The following TEX9 variants were observed in gnomAD, a reference collection of about 807,000 sequenced individuals.
TEX9 encodes testis-expressed protein 9.
Under a neutral mutation model 59.6 loss-of-function variants are expected in TEX9, and 74 were observed. The observed-to-expected ratio is 1.24, with a 90% CI of 1.03 to 1.51. The LOEUF (loss-of-function observed/expected upper bound fraction) is 1.51, where lower values mean the gene tolerates loss of function less well. Ranked by LOEUF, TEX9 falls within the 40% of genes most tolerant of loss-of-function variation. The pLI, the probability that TEX9 is intolerant of heterozygous loss-of-function variation, is 0.00. For synonymous variants in TEX9, 186 were observed against 152.2 expected, an observed-to-expected ratio of 1.22 and a Z score of -1.64; for missense variants, 522 against 447.8, an observed-to-expected ratio of 1.17 and a Z score of -1.49.
intron 1 of TEX9, among the ~76,000 whole-genome samples, chr15:56,264,528 G>C (rs1298036858): frequency 1.1e-4 from 17 of 152,090 alleles, no homozygotes. Flanking sequence ...TCAGTCTGTT[G>C]CTTGTCTTTA....
intron 1 of TEX9, among the ~76,000 whole-genome samples, chr15:56,316,626 A>T (rs2045773829): frequency 6.6e-6 from 1 of 152,236 alleles, no homozygotes; most frequent in East Asian, 1.9e-4. Flanking sequence ...CTGCCCCCAG[A>T]GGTGGAGCCT....
intron 9 of TEX9, among the ~76,000 whole-genome samples, chr15:56,401,323 A>AAC (rs1409673113): frequency 4.7e-5 from 7 of 150,066 alleles, no homozygotes; most frequent in Admixed American, 1.3e-4. Flanking sequence ...AAAAAAAAAA[A>AAC]AAAAAAAAAC....
At chr15:56,391,923 T>C (rs1188288103) in intron 7 of TEX9, among the ~76,000 whole-genome samples, 1 of 152,150 alleles carries the variant, frequency 6.6e-6, no homozygotes, top group Non-Finnish European at 1.5e-5. Context: ...ATAATTTTTC[T>C]TCTTATTAAC....
At chr15:56,288,064 T>C (rs1217483627) in intron 1 of TEX9, among the ~76,000 whole-genome samples, 2 of 152,164 alleles carry the variant, frequency 1.3e-5, no homozygotes, top group East Asian at 1.9e-4. Context: ...GATCATATGA[T>C]AGTTGTATTT....
intron 1 of TEX9, among the ~76,000 whole-genome samples, chr15:56,290,014 A>G (rs2045050773): frequency 6.6e-6 from 1 of 152,022 alleles, no homozygotes; most frequent in Admixed American, 6.5e-5. Context: ...TTGGCTCTGG[A>G]GTGTGAATTA....
intron 1 of TEX9, among the ~76,000 whole-genome samples, chr15:56,258,748 T>A (rs1034906058): frequency 6.6e-6 from 1 of 151,980 alleles, no homozygotes; most frequent in East Asian, 1.9e-4. Flanking sequence ...CATCTTTTCA[T>A]GTGCTTATAT....
chr15:56,244,547 G>T (rs1261783772), intron 1 of TEX9, among the ~76,000 whole-genome samples: 4 of 151,994 alleles, frequency 2.6e-5, no homozygotes, highest in Non-Finnish European at 4.4e-5. Flanking sequence ...CTTCCTTCGT[G>T]CCTTTGCTCA....
intron 10 of TEX9, among the ~76,000 whole-genome samples, chr15:56,424,920 AT>A (rs2050169168): frequency 6.6e-6 from 1 of 151,994 alleles, no homozygotes; most frequent in Non-Finnish European, 1.5e-5. Context: ...TTTCTTTAGG[AT>A]TTTGTAGGGA....
intron 1 of TEX9, among the ~76,000 whole-genome samples, chr15:56,339,550 C>G (rs1327107791): frequency 6.6e-6 from 1 of 151,994 alleles, no homozygotes; most frequent in Non-Finnish European, 1.5e-5. Flanking sequence ...AAGCCCATAT[C>G]ATTTATCAGG....
chr15:56,430,665 C>T (rs2050564525), intron 12 of TEX9, among the ~76,000 whole-genome samples: 1 of 152,086 alleles, frequency 6.6e-6, no homozygotes, highest in Non-Finnish European at 1.5e-5. Context: ...CTGGTGTTAC[C>T]AGTGACAATG....
chr15:56,428,584 T>C (rs1409947425), intron 12 of TEX9: 3 of 589,428 alleles, frequency 5.1e-6, no homozygotes, highest in Non-Finnish European at 8.6e-6. Flanking sequence ...ATTCCCTTTT[T>C]AGATTTAGGA....
intron 1 of TEX9, among the ~76,000 whole-genome samples, chr15:56,339,411 A>AG (rs1406056593): frequency 6.0e-5 from 9 of 150,246 alleles, no homozygotes; most frequent in Non-Finnish European, 1.0e-4. Flanking sequence ...AAAAAAAAAA[A>AG]AAACAGGAGA....
At chr15:56,297,661 C>T (rs774577845) in intron 1 of TEX9, among the ~76,000 whole-genome samples, 2 of 152,160 alleles carry the variant, frequency 1.3e-5, no homozygotes, top group Admixed American at 6.5e-5. Context: ...TGAGCCACCA[C>T]GCCCAGCTAA....
intron 1 of TEX9, among the ~76,000 whole-genome samples, chr15:56,266,170 A>T (rs2044377555): frequency 6.6e-6 from 1 of 151,662 alleles, no homozygotes. Context: ...TCTGTCTCCC[A>T]GGCTGGAGTG....
chr15:56,344,998 T>C (rs2046441299), intron 1 of TEX9, among the ~76,000 whole-genome samples: 1 of 150,218 alleles, frequency 6.7e-6, no homozygotes, highest in Non-Finnish European at 1.5e-5. Context: ...GTTTTGTTTA[T>C]TGATTTACTT....
intron 1 of TEX9, among the ~76,000 whole-genome samples, chr15:56,252,542 A>T (rs1407040407): frequency 6.6e-6 from 1 of 152,026 alleles, no homozygotes; most frequent in Non-Finnish European, 1.5e-5. Context: ...CTTTACAAAA[A>T]TTTTTCAAGC....
rs188444736 is a variant in TEX9, at chr15:56,335,143, T to A, written c.-106-38298T>A. 1.7e-4 allele frequency among the ~76,000 whole-genome samples: 26 copies of A among 152,272 alleles called. No individual in the cohort carries two copies. In the East Asian group the frequency reaches 5.0e-3, roughly 29 times the overall value. ...ACACTATATGATCCAGCAATCCTAC[T>A]GCCAGGTATAGAGCCAAAAGAAAGG... is the stretch of plus-strand genomic sequence containing the variant. On this transcript the variant is annotated intron_variant, in intron 1 of 5. Transcript: ENST00000560827.
At chr15:56,365,554 C>G (rs2046901873) in intron 1 of TEX9, 25 bp from the exon 2 acceptor site, 8 of 1,614,218 alleles carry the variant, frequency 5.0e-6, no homozygotes, top group Non-Finnish European at 5.9e-6. Flanking sequence ...AACTTCGGGT[C>G]TGAAAGTCTG....
chr15:56,383,349 C>T (rs543870276), intron 3 of TEX9, among the ~76,000 whole-genome samples: 5 of 152,260 alleles, frequency 3.3e-5, no homozygotes, highest in Admixed American at 3.3e-4. Flanking sequence ...AAGTTAAAAC[C>T]AGGTACTGTG....
Sources: allele counts gnomAD v4.1 joint callset (sites outside exome capture counted in the v4.1 genomes callset), GRCh38; gene constraint gnomAD v4.1.1; transcripts MANE v1.5; gene names NCBI Gene and HGNC (gene_info 2026-07-23, HGNC 2026-07-21).